Variants in ARHGAP24 observed in about 807,000 individuals in gnomAD.
ARHGAP24 encodes the protein rho GTPase-activating protein 24.
ARHGAP24 carries 50 observed loss-of-function variants against 76.4 expected under a neutral mutation model. That is an observed-to-expected ratio of 0.65 (90% CI 0.52 to 0.83). The LOEUF (loss-of-function observed/expected upper bound fraction) is 0.83. ARHGAP24 is among the 40% of genes least tolerant of loss of function. The probability of loss-of-function intolerance (pLI) is 0.00; values close to 1 mark genes in which losing one functional copy is unlikely to be tolerated. For synonymous variants in ARHGAP24, 345 were observed against 323.3 expected, an observed-to-expected ratio of 1.07 and a Z score of -0.72; for missense variants, 930 against 914.2, an observed-to-expected ratio of 1.02 and a Z score of -0.22.
chr4:85,477,751 C>A (rs1578174762), intron 1 of ARHGAP24, among the ~76,000 whole-genome samples: 1 of 152,186 alleles, frequency 6.6e-6, no homozygotes, highest in East Asian at 1.9e-4. Flanking sequence ...ACCTACTGGC[C>A]CATTGACGAG....
chr4:85,939,704 G>A (rs576483767), intron 4 of ARHGAP24, among the ~76,000 whole-genome samples: 8 of 150,954 alleles, frequency 5.3e-5, no homozygotes, highest in African/African-American at 1.7e-4. Context: ...GGTTGTTGGG[G>A]AAAAAAAAAT....
intron 3 of ARHGAP24, among the ~76,000 whole-genome samples, chr4:85,889,776 G>A (rs978096082): frequency 6.6e-6 from 1 of 152,014 alleles, no homozygotes. Flanking sequence ...CTGCTTCCTG[G>A]TACTTCTATC....
intron 6 of ARHGAP24, 107 bp downstream of exon 6, chr4:85,972,275 C>T: frequency 6.9e-7 from 1 of 1,452,948 alleles, no homozygotes; most frequent in Non-Finnish European, 9.5e-7. Flanking sequence ...TGTTACTCTC[C>T]ACTATCCTTT....
At chr4:85,805,016 T>C (rs1008248120) in intron 3 of ARHGAP24, among the ~76,000 whole-genome samples, 6 of 152,186 alleles carry the variant, frequency 3.9e-5, no homozygotes, top group Non-Finnish European at 7.3e-5. Flanking sequence ...TAGTTGCAGA[T>C]ACATGCGGAC....
intron 3 of ARHGAP24, among the ~76,000 whole-genome samples, chr4:85,870,281 C>G (rs1732449513): frequency 6.6e-6 from 1 of 151,986 alleles, no homozygotes; most frequent in Non-Finnish European, 1.5e-5. Context: ...ATGAAAACAC[C>G]TCCTGTCCTA....
intron 3 of ARHGAP24, among the ~76,000 whole-genome samples, chr4:85,833,061 CT>C (rs1730077076): frequency 6.6e-6 from 1 of 152,146 alleles, no homozygotes; most frequent in African/African-American, 2.4e-5. Context: ...AAATTGATGC[CT>C]GTGTTTTATG....
chr4:85,550,162 C>G (rs1176063926), intron 1 of ARHGAP24, among the ~76,000 whole-genome samples: 3 of 152,130 alleles, frequency 2.0e-5, no homozygotes, highest in African/African-American at 7.2e-5. Context: ...GATTTGAGTT[C>G]TTTGAGAAAT....
intron 3 of ARHGAP24, among the ~76,000 whole-genome samples, chr4:85,779,361 A>C (rs1262186456): frequency 6.6e-6 from 1 of 152,186 alleles, no homozygotes; most frequent in African/African-American, 2.4e-5. Flanking sequence ...TGAATCTTCA[A>C]CTTGAAATAT....
At chr4:85,839,610 C>G (rs1015138708) in intron 3 of ARHGAP24, among the ~76,000 whole-genome samples, 13 of 151,694 alleles carry the variant, frequency 8.6e-5, no homozygotes, top group African/African-American at 2.9e-4. Flanking sequence ...GCCACCACGC[C>G]CAGCCAGTTT....
intron 3 of ARHGAP24, among the ~76,000 whole-genome samples, chr4:85,743,371 C>T (rs942538718): frequency 1.3e-4 from 16 of 125,796 alleles, no homozygotes; most frequent in African/African-American, 4.4e-4. Flanking sequence ...CACTTTAAGA[C>T]GCCAAGGCGG....
intron 1 of ARHGAP24, among the ~76,000 whole-genome samples, chr4:85,564,799 G>A (rs1726758942): frequency 1.3e-5 from 2 of 150,420 alleles, no homozygotes; most frequent in South Asian, 4.2e-4. Flanking sequence ...TGAGGCTCAG[G>A]CAATAATGCT....
chr4:85,720,881 G>A (rs1030988344), intron 2 of ARHGAP24, among the ~76,000 whole-genome samples: 2 of 152,056 alleles, frequency 1.3e-5, no homozygotes, highest in Non-Finnish European at 2.9e-5. Context: ...TCACTGAAAA[G>A]TGAACATTAT....
chr4:85,691,222 C>T (rs1362709979), intron 2 of ARHGAP24, among the ~76,000 whole-genome samples: 2 of 151,846 alleles, frequency 1.3e-5, no homozygotes, highest in African/African-American at 2.4e-5. Flanking sequence ...CTTGGTATGA[C>T]TTTGATTTTT....
At chr4:85,540,011 C>T (rs1203228279) in intron 1 of ARHGAP24, among the ~76,000 whole-genome samples, 1 of 151,832 alleles carries the variant, frequency 6.6e-6, no homozygotes, top group Non-Finnish European at 1.5e-5. Context: ...TGCGACTGCA[C>T]TCCAGCCTAG....
chr4:85,889,848 C>A lies in ARHGAP24; in HGVS notation c.269-33800C>A, dbSNP rs548771762. 1.4e-4 allele frequency among the ~76,000 whole-genome samples: 22 copies of A among 152,222 alleles called. No individual in the cohort carries two copies. The East Asian group carries it at 3.9e-3, about 27-fold the overall frequency. ...ATTATTTCTTAATCCCCCCTAAACGCCTTATCTATACATAAATCCTCTGAG... is the reference window on the plus strand; with the variant it reads ...ATTATTTCTTAATCCCCCCTAAACGACTTATCTATACATAAATCCTCTGAG... On this transcript the variant is annotated intron_variant, in intron 3 of 9. Coordinates refer to ENST00000395184, the MANE Select transcript of ARHGAP24 (RefSeq NM_001025616.3).
rs147989760 is a variant in ARHGAP24, at chr4:85,818,613, T to C, written c.268+96641T>C. Among the ~76,000 whole-genome samples, 1,446 of 152,342 alleles carry C rather than the reference T, an allele frequency of 9.5e-3. 27 individuals are homozygous for C. Among genetic ancestry groups the C allele is most frequent in the African/African-American group, 0.033 (1,354 of 41,574 alleles). Reference sequence around the variant, plus strand: ...TGATTGATCATCAAAAGGGCCTCAGTTAGGTGTCACCTGGTCCTTTTAAAT... The same window carrying C: ...TGATTGATCATCAAAAGGGCCTCAGCTAGGTGTCACCTGGTCCTTTTAAAT... On this transcript the variant is annotated intron_variant, in intron 3 of 9. Transcript: ENST00000395184.
chr4:85,784,401 C>T (rs1412701751), intron 3 of ARHGAP24, among the ~76,000 whole-genome samples: 1 of 151,818 alleles, frequency 6.6e-6, no homozygotes, highest in South Asian at 2.1e-4. Flanking sequence ...AGTCTTTCTT[C>T]CTTGGAAAAT....
chr4:85,549,899 T>A (rs1412920703), intron 1 of ARHGAP24, among the ~76,000 whole-genome samples: 1 of 152,234 alleles, frequency 6.6e-6, no homozygotes, highest in Admixed American at 6.5e-5. Context: ...CTTAGCATAA[T>A]GGTCTCCAGC....
intron 2 of ARHGAP24, among the ~76,000 whole-genome samples, chr4:85,720,819 G>A (rs1724903365): frequency 1.3e-5 from 2 of 151,844 alleles, no homozygotes; most frequent in South Asian, 4.1e-4. Context: ...AGGAAAGAAG[G>A]TGCTTCAAGG....
Sources: gnomAD v4.1 joint callset for allele counts (sites outside exome capture counted in the v4.1 genomes callset) on GRCh38, gnomAD v4.1.1 for gene constraint, MANE v1.5 for transcripts, NCBI Gene and HGNC (gene_info 2026-07-23, HGNC 2026-07-21) for gene names.